The following FUT8 variants were observed in gnomAD, a reference collection of about 807,000 sequenced individuals.
FUT8 encodes alpha-(1,6)-fucosyltransferase.
In FUT8, 29 loss-of-function variants were observed where a neutral mutation model predicts 71.3. That is an observed-to-expected ratio of 0.41 (90% CI 0.30 to 0.55). The LOEUF (loss-of-function observed/expected upper bound fraction) is 0.55, where lower values mean the gene tolerates loss of function less well. FUT8 is among the 20% of genes least tolerant of loss of function. FUT8 has a pLI of 0.34. For missense variants in FUT8, 544 were observed against 702.1 expected (o/e 0.77, Z 2.55); for synonymous variants, 254 against 239.3 (o/e 1.06, Z -0.57).
chr14:65,548,396 A>G (rs1474107393), intron 2 of FUT8, among the ~76,000 whole-genome samples: 1 of 152,026 alleles, frequency 6.6e-6, no homozygotes, highest in Non-Finnish European at 1.5e-5. Flanking sequence ...TTGTTGAGTA[A>G]ATCAATGGCT....
chr14:65,619,468 TATC>T (rs1889487454), intron 5 of FUT8, among the ~76,000 whole-genome samples: 1 of 152,168 alleles, frequency 6.6e-6, no homozygotes, highest in African/African-American at 2.4e-5. Flanking sequence ...GGGGGCCAAA[TATC>T]ATAAGTTTGA....
At chr14:65,371,292 A>G in the FUT8 span, among the ~76,000 whole-genome samples, 3 of 152,214 alleles carry the variant, frequency 2.0e-5, no homozygotes, top group Non-Finnish European at 2.9e-5. Context: ...ATGCCCTATC[A>G]CCCTACAAAT....
chr14:65,496,088 A>G (rs2066554509), intron 2 of FUT8, among the ~76,000 whole-genome samples: 1 of 152,174 alleles, frequency 6.6e-6, no homozygotes, highest in South Asian at 2.1e-4. Context: ...AATTATGTTT[A>G]TATTTTGAGG....
chr14:65,461,123 C>CAGG (rs1237796023), intron 2 of FUT8, among the ~76,000 whole-genome samples: 1 of 152,080 alleles, frequency 6.6e-6, no homozygotes, highest in African/African-American at 2.4e-5. Context: ...AAGGTGTTGG[C>CAGG]AGGGCCACAC....
In FUT8 at chr14:65,633,168, G is replaced by A. The variant is rs1267435300; in HGVS notation, c.597+3562G>A. Among the ~76,000 whole-genome samples the A allele has an allele frequency of 2.6e-5, 4 of 152,100 alleles. No homozygotes were observed. The East Asian group carries it at 7.7e-4, about 29-fold the overall frequency. On this transcript the variant is annotated intron_variant, in intron 6 of 10. Coordinates refer to ENST00000673929, the MANE Select transcript of FUT8 (RefSeq NM_001371533.1). ...CGAGTGCCTGCGATTGCAGGCGCGC[G>A]CCGCCACGCCTGACTGGTTTTCGTA... is the stretch of plus-strand genomic sequence containing the variant.
chr14:65,411,723 C>A (rs1246904697), upstream of FUT8: 1 of 284,494 alleles, frequency 3.5e-6, no homozygotes, highest in Non-Finnish European at 6.8e-6. Context: ...GTAAAGCGCC[C>A]CAGGCTTGGG....
In FUT8 at chr14:65,669,353, C is replaced by T. The variant is rs1423491070; in HGVS notation, c.708C>T (p.Gly236=). Residue 236 remains glycine, a synonymous_variant, in exon 7 of 11, where the codon GGC becomes GGT. Transcript: ENST00000673929. This position sits in a 1 kb window ranked among gnomAD's most constrained non-coding sequence, Gnocchi z 4.5. The part of the protein sequence containing the change: ...HVVYCFMIAY[G]TQRTLILESQ... The stretch of plus-strand genomic sequence containing the variant: ...TCTACTGCTTCATGATTGCATATGG[C>T]ACCCAGCGAACACTCATCTTGGAAT... 3.7e-6 allele frequency: 6 copies of T among 1,613,822 alleles called. No homozygotes were observed. Among genetic ancestry groups the T allele is most frequent in the Non-Finnish European group, 5.1e-6 (6 of 1,179,846 alleles).
chr14:65,732,662 T>C (rs750885127), intron 9 of FUT8, among the ~76,000 whole-genome samples: 5 of 152,174 alleles, frequency 3.3e-5, no homozygotes, highest in African/African-American at 7.2e-5. Context: ...ATTACTGTTA[T>C]TAGGTAAGAG....
chr14:65,693,083 C>T (rs533286201), intron 7 of FUT8, among the ~76,000 whole-genome samples: 16 of 152,200 alleles, frequency 1.1e-4, no homozygotes, highest in Non-Finnish European at 2.1e-4. Flanking sequence ...GGCAGAGACG[C>T]TCCTCACTTC....
chr14:65,705,611 A>G (rs1894517158), intron 7 of FUT8, among the ~76,000 whole-genome samples: 2 of 152,226 alleles, frequency 1.3e-5, no homozygotes, highest in African/African-American at 2.4e-5. Context: ...TGTGTATCCT[A>G]GAAGTCCAGA....
intron 7 of FUT8, among the ~76,000 whole-genome samples, chr14:65,714,755 C>A (rs1894973550): frequency 6.6e-6 from 1 of 152,062 alleles, no homozygotes; most frequent in Non-Finnish European, 1.5e-5. Flanking sequence ...TCTTCCATTT[C>A]TTTCATCAGT....
intron 10 of FUT8, among the ~76,000 whole-genome samples, chr14:65,738,438 G>T (rs1472534978): frequency 6.6e-6 from 1 of 151,916 alleles, no homozygotes; most frequent in African/African-American, 2.4e-5. Flanking sequence ...TTTTAATACA[G>T]TCATATCTGT....
rs2065174200 is a variant in FUT8, at chr14:65,413,596, T to G, written c.-326+382T>G. 6.6e-6 allele frequency among the ~76,000 whole-genome samples: 1 copy of G among 152,170 alleles called. No individual in the cohort carries two copies. The highest frequency in any genetic ancestry group is 1.5e-5 in the Non-Finnish European group (1 of 68,010). ...GTTTCCCCTCCACACCTACCTTCCC[T>G]TCGTCAGCAGCTCGGTCCCTGGAGT... On this transcript the variant is annotated intron_variant, in intron 1 of 10. Transcript: ENST00000673929. This position sits in a 1 kb window ranked among gnomAD's most constrained non-coding sequence, Gnocchi z 4.1.
intron 2 of FUT8, among the ~76,000 whole-genome samples, chr14:65,462,579 C>T (rs950610602): frequency 6.6e-6 from 1 of 152,158 alleles, no homozygotes; most frequent in African/African-American, 2.4e-5. Context: ...TGTTAGAATT[C>T]TAGGTGTAAG....
At chr14:65,491,472 G>A (rs1402249036) in intron 2 of FUT8, among the ~76,000 whole-genome samples, 1 of 152,034 alleles carries the variant, frequency 6.6e-6, no homozygotes, top group Non-Finnish European at 1.5e-5. Flanking sequence ...GAGTCCAGTG[G>A]GAATATCAGC....
chr14:65,380,373 G>A, the FUT8 span, among the ~76,000 whole-genome samples: 1 of 152,184 alleles, frequency 6.6e-6, no homozygotes, highest in Non-Finnish European at 1.5e-5. Flanking sequence ...TACAATTCAA[G>A]TTGAGATTTG....
At chr14:65,532,858 C>T (rs906819290) in intron 2 of FUT8, among the ~76,000 whole-genome samples, 14 of 152,322 alleles carry the variant, frequency 9.2e-5, no homozygotes, top group African/African-American at 3.4e-4. Context: ...ATACGGCTAG[C>T]CGGTTATCCC....
intron 7 of FUT8, among the ~76,000 whole-genome samples, chr14:65,691,028 A>G (rs777036787): frequency 1.5e-4 from 23 of 149,780 alleles, no homozygotes; most frequent in Non-Finnish European, 2.8e-4. Context: ...GCCCAGCCAC[A>G]TTTGACTTTT....
chr14:65,471,440 G>GT (rs1031390592), intron 2 of FUT8, among the ~76,000 whole-genome samples: 35 of 151,800 alleles, frequency 2.3e-4, no homozygotes, highest in East Asian at 5.8e-4. Context: ...AGCAGGAGGG[G>GT]TTTTTTTTCA....
Sources: allele counts gnomAD v4.1 joint callset (sites outside exome capture counted in the v4.1 genomes callset), GRCh38; gene constraint gnomAD v4.1.1; non-coding constraint Gnocchi (gnomAD v3.1); transcripts MANE v1.5; gene names NCBI Gene and HGNC (gene_info 2026-07-23, HGNC 2026-07-21).